Variants in PLEKHA5 observed in about 807,000 individuals in gnomAD.
The protein encoded by PLEKHA5 is pleckstrin homology domain containing A5, also known as pleckstrin homology domain-containing family A member 5.
PLEKHA5 carries 55 observed loss-of-function variants against 181.9 expected under a neutral mutation model. That is an observed-to-expected ratio of 0.30 (90% CI 0.24 to 0.38). The LOEUF (loss-of-function observed/expected upper bound fraction) is 0.38, where lower values mean the gene tolerates loss of function less well. Among genes scored for constraint, PLEKHA5 ranks in the 10% least tolerant of loss-of-function variants. The pLI is 1.00. For missense variants in PLEKHA5, 1,432 were observed against 1,549.5 expected (o/e 0.92, Z 1.27); for synonymous variants, 535 against 529.4 (o/e 1.01, Z -0.15).
intron 3 of PLEKHA5, among the ~76,000 whole-genome samples, chr12:19,226,837 G>A (rs2059760334): frequency 6.6e-6 from 1 of 152,050 alleles, no homozygotes; most frequent in African/African-American, 2.4e-5. Context: ...TTCTTGTTTT[G>A]TCTTTTATAT....
At chr12:19,369,461 C>A (rs1485799761) in intron 30 of PLEKHA5, among the ~76,000 whole-genome samples, 2 of 152,044 alleles carry the variant, frequency 1.3e-5, no homozygotes, top group African/African-American at 4.8e-5. Flanking sequence ...GGGAGGATTG[C>A]ATGATGCCAG....
At chr12:19,165,199 A>G (rs1241550176) in intron 3 of PLEKHA5, among the ~76,000 whole-genome samples, 1 of 152,194 alleles carries the variant, frequency 6.6e-6, no homozygotes. Flanking sequence ...CGATCCCACC[A>G]GTGGATATAT....
At position 19,322,331 on chromosome 12, in the gene PLEKHA5, G is replaced by T; in HGVS notation, c.2239G>T (p.Glu747Ter). 6.2e-7 allele frequency: 1 copy of T among 1,613,234 alleles called. No homozygotes were observed. Among genetic ancestry groups the T allele is most frequent in the South Asian group, 1.1e-5 (1 of 91,064 alleles). The change falls in exon 19 of 32, where the codon GAA becomes TAA. Residue 747 changes from glutamate to a stop codon, truncating the protein, a stop_gained. Coordinates refer to ENST00000429027, the MANE Select transcript of PLEKHA5 (RefSeq NM_001256470.2). LOFTEE classifies it high-confidence loss of function. ...CTAGGCCAAGTTAAGCCGATTATGT[G>T]AACAAGATAAAGTGGTGCATGCTCT... ...DIDAKLSRLC[E>*]QDKVVHALEE...
chr12:19,306,268 A>G (rs2152951937), intron 15 of PLEKHA5: 1 of 345,372 alleles, frequency 2.9e-6, no homozygotes, highest in Non-Finnish European at 5.7e-6. Context: ...AGATGTTGCC[A>G]CGTATGTTTT....
intron 16 of PLEKHA5, 86 bp downstream of exon 16, chr12:19,314,980 T>G: frequency 1.4e-6 from 1 of 732,752 alleles, no homozygotes; most frequent in South Asian, 1.5e-5. Flanking sequence ...GATTTACTCA[T>G]GACATCAGTG....
chr12:19,218,023 A>G (rs1460371246), intron 3 of PLEKHA5, among the ~76,000 whole-genome samples: 2 of 152,220 alleles, frequency 1.3e-5, no homozygotes, highest in Admixed American at 1.3e-4. Flanking sequence ...GACTGCCTCA[A>G]GATTGTTGGA....
intron 15 of PLEKHA5, chr12:19,306,962 A>G: frequency 1.6e-6 from 2 of 1,273,612 alleles, no homozygotes; most frequent in Non-Finnish European, 2.2e-6. Context: ...CCTACTCCTA[A>G]CCCACTTACT....
chr12:19,131,721 G>T (rs1402396834), intron 2 of PLEKHA5, among the ~76,000 whole-genome samples: 1 of 148,624 alleles, frequency 6.7e-6, no homozygotes, highest in African/African-American at 2.5e-5. Context: ...CTCTGGTTTT[G>T]TACACACATC....
chr12:19,168,316 G>T (rs2045025945), intron 3 of PLEKHA5, among the ~76,000 whole-genome samples: 1 of 151,908 alleles, frequency 6.6e-6, no homozygotes, highest in South Asian at 2.1e-4. Flanking sequence ...TCAGTTGGTG[G>T]AAAAAATATT....
At chr12:19,236,839 T>A (rs957198336) in intron 3 of PLEKHA5, 2 of 152,222 alleles carry the variant, frequency 1.3e-5, no homozygotes, top group Non-Finnish European at 2.9e-5. Context: ...CATGTTCTGA[T>A]GTGACGTCAG....
chr12:19,321,843 G>A (rs766270513), intron 18 of PLEKHA5, among the ~76,000 whole-genome samples: 1 of 151,980 alleles, frequency 6.6e-6, no homozygotes, highest in Non-Finnish European at 1.5e-5. Flanking sequence ...TTTGTCCAGT[G>A]TTTTCATTTT....
intron 29 of PLEKHA5, among the ~76,000 whole-genome samples, chr12:19,364,081 A>G (rs2095346565): frequency 6.6e-6 from 1 of 152,232 alleles, no homozygotes; most frequent in South Asian, 2.1e-4. Flanking sequence ...GATGCTAGAG[A>G]ATCAACTTTT....
chr12:19,323,177 T>C (rs1422139893), intron 20 of PLEKHA5, among the ~76,000 whole-genome samples: 3 of 152,146 alleles, frequency 2.0e-5, no homozygotes, highest in Non-Finnish European at 4.4e-5. Context: ...ATTTTGTCCT[T>C]TGTGAAATGA....
chr12:19,200,493 C>T, intron 3 of PLEKHA5: 1 of 1,372,668 alleles, frequency 7.3e-7, no homozygotes, highest in Non-Finnish European at 9.4e-7. Flanking sequence ...TCCTATTCTC[C>T]ATAACAAATG....
chr12:19,291,509 G>A, intron 14 of PLEKHA5, 135 bp from the exon 15 acceptor site: 2 of 528,450 alleles, frequency 3.8e-6, no homozygotes, highest in Admixed American at 3.7e-5. Flanking sequence ...AGGGGAGCAT[G>A]TGCGTGAAAG....
intron 3 of PLEKHA5, among the ~76,000 whole-genome samples, chr12:19,177,932 G>C (rs926263491): frequency 6.6e-6 from 1 of 152,140 alleles, no homozygotes; most frequent in South Asian, 2.1e-4. Context: ...GTGACTAATT[G>C]GATAGCTCTG....
intron 3 of PLEKHA5, chr12:19,200,213 C>G: frequency 1.4e-6 from 1 of 707,382 alleles, no homozygotes; most frequent in South Asian, 1.9e-5. Flanking sequence ...ATTACACTTT[C>G]CATGCAGCAA....
intron 25 of PLEKHA5, among the ~76,000 whole-genome samples, chr12:19,349,154 T>C (rs998334563): frequency 9.3e-5 from 14 of 151,326 alleles, no homozygotes. Flanking sequence ...GGTCTCACTC[T>C]GTCACCTGAG....
intron 15 of PLEKHA5, 139 bp from the exon 16 acceptor site, chr12:19,314,675 G>A (rs991807115): frequency 2.2e-5 from 15 of 673,378 alleles, no homozygotes; most frequent in Non-Finnish European, 4.1e-5. Context: ...AATTAAATCT[G>A]TACAACCATG....
Sources: gnomAD v4.1 joint callset for allele counts (sites outside exome capture counted in the v4.1 genomes callset) on GRCh38, gnomAD v4.1.1 for gene constraint, MANE v1.5 for transcripts, NCBI Gene and HGNC (gene_info 2026-07-23, HGNC 2026-07-21) for gene names.